The following SLC5A1 variants were observed in gnomAD, a reference collection of about 807,000 sequenced individuals.
SLC5A1 encodes the protein sodium/glucose cotransporter 1.
In SLC5A1, 42 loss-of-function variants were observed where a neutral mutation model predicts 73.5. That is an observed-to-expected ratio of 0.57 (90% CI 0.45 to 0.74). The LOEUF (loss-of-function observed/expected upper bound fraction) is 0.74, where lower values mean the gene tolerates loss of function less well. Ranked by LOEUF, SLC5A1 falls within the 30% of genes least tolerant of loss-of-function variation. The pLI is 0.00. For synonymous variants in SLC5A1, 300 were observed against 317.4 expected (o/e 0.95, Z 0.58); for missense variants, 634 against 855.4 (o/e 0.74, Z 3.23).
chr22:32,073,558 GTTTGT>G (rs1482888617), intron 5 of SLC5A1, among the ~76,000 whole-genome samples: 1 of 151,756 alleles, frequency 6.6e-6, no homozygotes, highest in Non-Finnish European at 1.5e-5. Flanking sequence ...TTTTTTGTTT[GTTTGT>G]TTTGTTTTTT....
At chr22:32,049,802 C>T (rs1322681983) in intron 1 of SLC5A1, 141 bp from the exon 2 acceptor site, 2 of 784,400 alleles carry the variant, frequency 2.5e-6, no homozygotes, top group Non-Finnish European at 4.6e-6. Context: ...TCTTTTGAGG[C>T]TGCAGGGGAA....
chr22:32,057,408 A>G (rs1161815796), intron 2 of SLC5A1, among the ~76,000 whole-genome samples: 1 of 151,524 alleles, frequency 6.6e-6, no homozygotes, highest in Non-Finnish European at 1.5e-5. Context: ...CTGGGACTAT[A>G]GACAGTGCCA....
intron 12 of SLC5A1, 106 bp downstream of exon 12, chr22:32,099,457 G>A: frequency 3.5e-6 from 4 of 1,137,406 alleles, no homozygotes; most frequent in Non-Finnish European, 5.2e-6. Context: ...GAGATCTTGA[G>A]CAGACACGGA....
intron 14 of SLC5A1, among the ~76,000 whole-genome samples, chr22:32,108,169 C>G (rs1225600934): frequency 1.3e-5 from 2 of 150,720 alleles, no homozygotes; most frequent in African/African-American, 4.9e-5. Flanking sequence ...TGCAGTGGCA[C>G]AATATCGGCT....
chr22:32,084,986 C>A lies in SLC5A1; in HGVS notation c.972C>A (p.Pro324=). 6.2e-7 allele frequency: 1 copy of A among 1,614,170 alleles called. No homozygotes were observed. The highest frequency in any genetic ancestry group is 8.5e-7 in the Non-Finnish European group (1 of 1,180,030). ...CILCGYLKLM[P]MFIMVMPGMI... is the part of the protein sequence containing the mutation. ...TGTGTGGGTATCTAAAGCTGATGCC[C>A]ATGTTCATCATGGTGATGCCAGGAA... Residue 324 remains proline (P), a synonymous_variant, in exon 9 of 15, where the codon CCC becomes CCA. Transcript: ENST00000266088.
At chr22:32,058,101 C>T (rs1386790253) in intron 2 of SLC5A1, among the ~76,000 whole-genome samples, 1 of 152,152 alleles carries the variant, frequency 6.6e-6, no homozygotes, top group Non-Finnish European at 1.5e-5. Context: ...TATGTATACA[C>T]AGGTACACAC....
intron 11 of SLC5A1, among the ~76,000 whole-genome samples, chr22:32,095,913 TC>T (rs1206684649): frequency 1.3e-5 from 2 of 152,204 alleles, no homozygotes; most frequent in African/African-American, 4.8e-5. Context: ...GAAATACTTC[TC>T]CCGTGATCTA....
chr22:32,054,973 C>A (rs953528597), intron 2 of SLC5A1, among the ~76,000 whole-genome samples: 3 of 152,142 alleles, frequency 2.0e-5, no homozygotes, highest in African/African-American at 7.2e-5. Flanking sequence ...CTGCACCCGG[C>A]CAAGATGGTA....
intron 5 of SLC5A1, among the ~76,000 whole-genome samples, chr22:32,078,847 C>T (rs1393091909): frequency 6.7e-6 from 1 of 149,858 alleles, no homozygotes; most frequent in Non-Finnish European, 1.5e-5. Context: ...CCTAGCTACT[C>T]AGGAGGCTGA....
In SLC5A1 at chr22:32,068,590, C is replaced by G; in HGVS notation, c.467C>G (p.Thr156Ser). ...CTGTCCCTGCTGCTCTACATTTTCACCAAGATCTCGGTGAGTCCACTGCCC... is the reference window on the plus strand; with the variant it reads ...CTGTCCCTGCTGCTCTACATTTTCAGCAAGATCTCGGTGAGTCCACTGCCC... ...SLLSLLLYIF[T>S]KISADIFSGA... is the part of the protein sequence containing the mutation. The change falls in exon 5 of 15, where the codon ACC becomes AGC. Residue 156 changes from threonine to serine, a missense_variant. Thr to Ser is a moderately conservative substitution (Grantham distance 58). Around this residue, in one of 3 missense-constraint regions of SLC5A1, gnomAD observed 422 missense variants for 626.1 expected, o/e 0.67. Coordinates refer to ENST00000266088, the MANE Select transcript of SLC5A1 (RefSeq NM_000343.4). 6.2e-7 allele frequency: 1 copy of G among 1,612,230 alleles called. No individual in the cohort carries two copies. Among genetic ancestry groups the G allele is most frequent in the Non-Finnish European group, 8.5e-7 (1 of 1,178,560 alleles).
At position 32,068,482 on chromosome 22, in the gene SLC5A1, C is replaced by A; in HGVS notation, c.373-14C>A. On this transcript the variant is annotated splice_polypyrimidine_tract_variant and intron_variant, in intron 4 of 14. Coordinates refer to ENST00000266088, the MANE Select transcript of SLC5A1 (RefSeq NM_000343.4). The stretch of plus-strand genomic sequence containing the variant: ...CACTGTGGCTGGCAGTGACCTCCCT[C>A]GCACCCCATGCAGGTGGTGACAATG... 6.3e-7 allele frequency: 1 copy of A among 1,578,908 alleles called. No individual in the cohort carries two copies. The highest frequency in any genetic ancestry group is 8.7e-7 in the Non-Finnish European group (1 of 1,147,900).
At chr22:32,106,020 C>T (rs1445608620) in intron 14 of SLC5A1, among the ~76,000 whole-genome samples, 1 of 152,158 alleles carries the variant, frequency 6.6e-6, no homozygotes, top group Non-Finnish European at 1.5e-5. Flanking sequence ...AAATCTTAGC[C>T]ATTGTAAACA....
intron 5 of SLC5A1, among the ~76,000 whole-genome samples, chr22:32,077,240 C>T (rs540628480): frequency 6.6e-6 from 1 of 151,312 alleles, no homozygotes; most frequent in East Asian, 1.9e-4. Flanking sequence ...CCTTCCCTCC[C>T]TCCCTTCCTT....
At chr22:32,046,651 G>C (rs765391843) in intron 1 of SLC5A1, among the ~76,000 whole-genome samples, 10 of 152,302 alleles carry the variant, frequency 6.6e-5, no homozygotes, top group Non-Finnish European at 1.5e-4. Flanking sequence ...GGCCACACTT[G>C]AGGCTTCTCT....
chr22:32,074,089 C>T (rs2093987014), intron 5 of SLC5A1, among the ~76,000 whole-genome samples: 1 of 152,054 alleles, frequency 6.6e-6, no homozygotes, highest in African/African-American at 2.4e-5. Context: ...GTCTACTGTG[C>T]ACGTAGAGAA....
intron 5 of SLC5A1, among the ~76,000 whole-genome samples, chr22:32,075,966 T>C (rs2093990278): frequency 6.6e-6 from 1 of 152,100 alleles, no homozygotes; most frequent in African/African-American, 2.4e-5. Context: ...CAAAATACGG[T>C]GATAAGGCAT....
intron 11 of SLC5A1, among the ~76,000 whole-genome samples, chr22:32,095,465 G>A (rs1406865429): frequency 6.6e-6 from 1 of 152,120 alleles, no homozygotes; most frequent in Non-Finnish European, 1.5e-5. Context: ...GTATTATTGT[G>A]TTGCTTTCTA....
chr22:32,083,929 G>A (rs1349005178), intron 7 of SLC5A1, among the ~76,000 whole-genome samples: 2 of 152,172 alleles, frequency 1.3e-5, no homozygotes, highest in East Asian at 1.9e-4. Flanking sequence ...CAATTGAGAG[G>A]TGGCAGGTTC....
At chr22:32,090,963 A>T (rs771390328) in intron 10 of SLC5A1, among the ~76,000 whole-genome samples, 4 of 152,064 alleles carry the variant, frequency 2.6e-5, no homozygotes, top group Non-Finnish European at 5.9e-5. Flanking sequence ...TTATTATCCC[A>T]CTATGGCTTT....
Sources: gnomAD v4.1 joint callset for allele counts (sites outside exome capture counted in the v4.1 genomes callset) on GRCh38, gnomAD v4.1.1 for gene constraint, gnomAD v4.1.1 regional missense constraint, MANE v1.5 for transcripts, NCBI Gene and HGNC (gene_info 2026-07-23, HGNC 2026-07-21) for gene names.